CELF2: variants seen among roughly 807,000 people sequenced by gnomAD.
CELF2 encodes the protein CUGBP Elav-like family member 2.
A neutral mutation model predicts 62.6 loss-of-function variants in CELF2; 8 were observed. The observed-to-expected ratio is 0.13, with a 90% CI of 0.07 to 0.23. The LOEUF (loss-of-function observed/expected upper bound fraction) is 0.23, where lower values mean the gene tolerates loss of function less well. Ranked by LOEUF, CELF2 falls within the 10% of genes least tolerant of loss-of-function variation. The pLI is 1.00. For missense variants in CELF2, 333 were observed against 671.0 expected (o/e 0.50, Z 5.56); for synonymous variants, 258 against 250.0 (o/e 1.03, Z -0.30).
chr10:11,329,281 T>C lies in CELF2; in HGVS notation c.*228T>C, dbSNP rs1210499364. On this transcript the variant is annotated 3_prime_UTR_variant, in exon 13 of 13. Coordinates refer to ENST00000633077, the MANE Select transcript of CELF2 (RefSeq NM_001326342.2). The surrounding 1 kb of genome is among the most constrained non-coding windows in gnomAD (Gnocchi z 5.5). ...TTCTATTGAGTAATTCCTCCTCCAG[T>C]TGTGCCACTGTATTCTCCTTTGTTT... 1 of 345,492 alleles carries C rather than the reference T, an allele frequency of 2.9e-6. No homozygotes were observed. The highest frequency in any genetic ancestry group is 5.2e-6 in the Non-Finnish European group (1 of 192,114). The allele number at this position is 345,492 out of a possible 1,614,324, so 21.4% of individuals were successfully genotyped here.
At chr10:10,731,341 T>A in the CELF2 span, among the ~76,000 whole-genome samples, 1 of 152,252 alleles carries the variant, frequency 6.6e-6, no homozygotes. Context: ...CTGTGACTAG[T>A]TGGATTACCA....
intron 1 of CELF2, among the ~76,000 whole-genome samples, chr10:10,912,912 T>C (rs2063940909): frequency 6.6e-6 from 1 of 152,246 alleles, no homozygotes; most frequent in African/African-American, 2.4e-5. Flanking sequence ...TTTCTCGTCC[T>C]AACCATGGTG....
the CELF2 span, among the ~76,000 whole-genome samples, chr10:10,638,910 C>T: frequency 0.45 from 68,015 of 151,978 alleles, 15,702 homozygotes; most frequent in South Asian, 0.71. Flanking sequence ...AATCTCATTA[C>T]AAAAGTCAAT....
At chr10:11,093,576 T>A (rs2048932527) in intron 1 of CELF2, among the ~76,000 whole-genome samples, 2 of 152,172 alleles carry the variant, frequency 1.3e-5, no homozygotes, top group African/African-American at 4.8e-5. Flanking sequence ...AAATTGAGTG[T>A]CATAGTGAAA....
chr10:11,178,762 G>T lies in CELF2; in HGVS notation c.271+13080G>T, dbSNP rs1394039230. Among the ~76,000 whole-genome samples, 2 of 152,234 alleles carry T rather than the reference G, an allele frequency of 1.3e-5. No homozygotes were observed. The highest frequency in any genetic ancestry group is 2.9e-5 in the Non-Finnish European group (2 of 68,040). ...GACGGCTAGAATGCTCAGGAGATAAGAGTGGGGCCTATCGCTCTGTGGCTT... is the reference window on the plus strand; with the variant it reads ...GACGGCTAGAATGCTCAGGAGATAATAGTGGGGCCTATCGCTCTGTGGCTT... On this transcript the variant is annotated intron_variant, in intron 2 of 12. Coordinates refer to ENST00000633077, the MANE Select transcript of CELF2 (RefSeq NM_001326342.2). The surrounding 1 kb of genome is among the most constrained non-coding windows in gnomAD (Gnocchi z 4.3).
chr10:10,858,427 T>C (rs1453275139), intron 1 of CELF2, among the ~76,000 whole-genome samples: 2 of 152,192 alleles, frequency 1.3e-5, no homozygotes, highest in East Asian at 3.8e-4. Flanking sequence ...CTAGGCCAAA[T>C]TCAAAGAGAC....
At chr10:10,708,952 A>G in the CELF2 span, among the ~76,000 whole-genome samples, 1 of 152,230 alleles carries the variant, frequency 6.6e-6, no homozygotes, top group Non-Finnish European at 1.5e-5. Context: ...ATGCGTCATT[A>G]TATAACCTAC....
chr10:10,493,826 C>T, the CELF2 span, among the ~76,000 whole-genome samples: 1 of 152,168 alleles, frequency 6.6e-6, no homozygotes. Flanking sequence ...GCCACCGTGC[C>T]CAGCTGCAAA....
chr10:10,506,418 A>T, the CELF2 span, among the ~76,000 whole-genome samples: 1 of 152,054 alleles, frequency 6.6e-6, no homozygotes, highest in Non-Finnish European at 1.5e-5. Flanking sequence ...ATATTTAATG[A>T]TCTTCAAATA....
chr10:10,696,660 G>A, the CELF2 span, among the ~76,000 whole-genome samples: 3 of 151,968 alleles, frequency 2.0e-5, no homozygotes, highest in South Asian at 2.1e-4. Flanking sequence ...GTGAGATTCC[G>A]TGGGTGTAGG....
rs529774901 is a variant in CELF2, at chr10:10,967,268, G to A, written c.89+47269G>A. Reference sequence around the variant, plus strand: ...CCTGGGATTGGGCTGAAACTCAATGGTTGGTACGAGAGTAGGTTCCAGTCT... The same window carrying A: ...CCTGGGATTGGGCTGAAACTCAATGATTGGTACGAGAGTAGGTTCCAGTCT... On this transcript the variant is annotated intron_variant, in intron 2 of 13. Transcript: ENST00000636488. Among the ~76,000 whole-genome samples the A allele has an allele frequency of 5.3e-5, 8 of 152,346 alleles. No homozygotes were observed. The South Asian group carries it at 1.7e-3, about 32-fold the overall frequency.
chr10:11,262,056 A>G (rs547138422), intron 5 of CELF2, among the ~76,000 whole-genome samples: 1 of 152,030 alleles, frequency 6.6e-6, no homozygotes, highest in South Asian at 2.1e-4. Context: ...CCCCCCACAA[A>G]CTGTAGGCAA....
intron 2 of CELF2, among the ~76,000 whole-genome samples, chr10:10,964,215 CTT>C (rs1263889225): frequency 6.6e-6 from 1 of 152,128 alleles, no homozygotes; most frequent in Non-Finnish European, 1.5e-5. Flanking sequence ...GTTCTGGAAT[CTT>C]TTTCTCAGGC....
chr10:10,766,608 C>A, the CELF2 span, among the ~76,000 whole-genome samples: 1 of 152,198 alleles, frequency 6.6e-6, no homozygotes, highest in Non-Finnish European at 1.5e-5. Flanking sequence ...TCAGCAGCAG[C>A]AGGGACTAGG....
At chr10:11,276,094 T>G (rs1398010844) in intron 8 of CELF2, among the ~76,000 whole-genome samples, 1 of 152,262 alleles carries the variant, frequency 6.6e-6, no homozygotes, top group Admixed American at 6.5e-5. Flanking sequence ...ACTCCTTTTT[T>G]TCTACCTTTC....
chr10:10,719,647 G>A, the CELF2 span, among the ~76,000 whole-genome samples: 2 of 152,076 alleles, frequency 1.3e-5, no homozygotes, highest in Non-Finnish European at 2.9e-5. Flanking sequence ...AATCACCCTA[G>A]AGCCAATTGC....
At chr10:10,573,275 T>G in the CELF2 span, among the ~76,000 whole-genome samples, 1 of 152,206 alleles carries the variant, frequency 6.6e-6, no homozygotes, top group African/African-American at 2.4e-5. Context: ...ATGGATAGAT[T>G]GTAAAAGTTT....
At chr10:10,944,064 GTCTA>G (rs1271306589) in intron 2 of CELF2, 1 of 152,390 alleles carries the variant, frequency 6.6e-6, no homozygotes, top group Non-Finnish European at 1.5e-5. Context: ...CTAGTATTGG[GTCTA>G]TCTAGGTGTG....
At chr10:11,263,416 G>A (rs1176779065) in intron 5 of CELF2, among the ~76,000 whole-genome samples, 1 of 152,044 alleles carries the variant, frequency 6.6e-6, no homozygotes, top group Non-Finnish European at 1.5e-5. Context: ...AAAGAAGTAT[G>A]GCTTCATTAT....
Sources: gnomAD v4.1 joint callset for allele counts (sites outside exome capture counted in the v4.1 genomes callset) on GRCh38, gnomAD v4.1.1 for gene constraint, Gnocchi (gnomAD v3.1) non-coding constraint, MANE v1.5 for transcripts, NCBI Gene and HGNC (gene_info 2026-07-23, HGNC 2026-07-21) for gene names.